Variants in CACNG2 observed in about 807,000 individuals in gnomAD.
The protein encoded by CACNG2 is voltage-dependent calcium channel gamma-2 subunit.
Under a neutral mutation model 25.9 loss-of-function variants are expected in CACNG2, and 3 were observed. The ratio of observed to expected loss-of-function variants is 0.12; its 90% CI spans 0.05 to 0.30. CACNG2 has a LOEUF of 0.30. Ranked by LOEUF, CACNG2 falls within the 10% of genes least tolerant of loss-of-function variation. The probability of loss-of-function intolerance (pLI) is 1.00; values close to 1 mark genes in which losing one functional copy is unlikely to be tolerated. For synonymous variants in CACNG2, 167 were observed against 173.3 expected (o/e 0.96, Z 0.29); for missense variants, 341 against 432.5 (o/e 0.79, Z 1.88).
At chr22:36,677,902 C>A (rs879873357) in intron 1 of CACNG2, among the ~76,000 whole-genome samples, 1 of 152,198 alleles carries the variant, frequency 6.6e-6, no homozygotes, top group Non-Finnish European at 1.5e-5. Flanking sequence ...AAAGTACATT[C>A]TTTTTAAGTA....
intron 1 of CACNG2, among the ~76,000 whole-genome samples, chr22:36,691,133 G>T (rs568394599): frequency 6.6e-5 from 10 of 152,172 alleles, no homozygotes; most frequent in Non-Finnish European, 1.2e-4. Context: ...TGATCTAGAG[G>T]AAGACACAGG....
chr22:36,667,269 A>T (rs938850156), intron 1 of CACNG2, among the ~76,000 whole-genome samples: 14 of 152,074 alleles, frequency 9.2e-5, no homozygotes, highest in African/African-American at 3.4e-4. Context: ...CACTTTTAAG[A>T]CTCAGCTCCC....
chr22:36,668,907 C>T (rs544146952), intron 1 of CACNG2, among the ~76,000 whole-genome samples: 35 of 152,176 alleles, frequency 2.3e-4, no homozygotes, highest in Admixed American at 6.5e-4. Context: ...GGTGAATTTG[C>T]CCTTCTTCAA....
intron 1 of CACNG2, among the ~76,000 whole-genome samples, chr22:36,662,002 C>T (rs749010870): frequency 1.3e-4 from 12 of 90,406 alleles, no homozygotes; most frequent in East Asian, 4.2e-4. Context: ...TTTTTTCAGA[C>T]GGAGTCTCCC....
rs1321307400 is a variant in CACNG2, at chr22:36,564,834, G to T, written c.489C>A (p.Asp163Glu). ...TCTTTTTGGAGTCGCTCTTGGAGGG[G>T]TCTCCGGCATTGGCAGATATGTACA... ...IIVYISANAG[D>E]PSKSDSKKNS... Residue 163 changes from aspartate (D) to glutamate (E), a missense_variant, in exon 4 of 4, where the codon GAC (aspartate) becomes GAA (glutamate). Asp to Glu is a conservative substitution (Grantham distance 45). Coordinates refer to ENST00000300105, the MANE Select transcript of CACNG2 (RefSeq NM_006078.5). The surrounding 1 kb of genome is among the most constrained non-coding windows in gnomAD (Gnocchi z 6.7). 8.1e-6 allele frequency: 13 copies of T among 1,614,008 alleles called. No homozygotes were observed. The highest frequency in any genetic ancestry group is 1.0e-5 in the Non-Finnish European group (12 of 1,180,030).
chr22:36,610,442 G>A (rs1273826600), intron 1 of CACNG2, among the ~76,000 whole-genome samples: 1 of 152,268 alleles, frequency 6.6e-6, no homozygotes, highest in Non-Finnish European at 1.5e-5. Flanking sequence ...CCTGGGACAA[G>A]TGTAAAGAGT....
intron 2 of CACNG2, among the ~76,000 whole-genome samples, chr22:36,582,737 C>G (rs958154335): frequency 1.3e-5 from 2 of 151,610 alleles, no homozygotes; most frequent in Non-Finnish European, 2.9e-5. Flanking sequence ...CATCCCTACT[C>G]TAGAATTCCC....
chr22:36,685,311 G>A lies in CACNG2; in HGVS notation c.211+17055C>T, dbSNP rs1937181228. On this transcript the variant is annotated intron_variant, in intron 1 of 3. Coordinates refer to ENST00000300105, the MANE Select transcript of CACNG2 (RefSeq NM_006078.5). ...CTGAGAGGGGCCCGCCCGCGCCCAG[G>A]CAGCTTCCATCTCTCCCGGGGGCCT... 1.3e-5 allele frequency among the ~76,000 whole-genome samples: 2 copies of A among 152,022 alleles called. 1 individual carries two copies. Among genetic ancestry groups the A allele is most frequent in the Admixed American group, 1.3e-4 (2 of 15,276 alleles).
intron 2 of CACNG2, among the ~76,000 whole-genome samples, chr22:36,580,162 A>G (rs150070920): frequency 7.8e-4 from 119 of 152,284 alleles, no homozygotes; most frequent in African/African-American, 2.8e-3. Flanking sequence ...AAGGAAACCG[A>G]GGCCCAGGGA....
intron 1 of CACNG2, among the ~76,000 whole-genome samples, chr22:36,613,273 C>T (rs1044472661): frequency 1.3e-5 from 2 of 152,082 alleles, no homozygotes; most frequent in Admixed American, 1.3e-4. Context: ...TTGGATTTCA[C>T]ACCTGTACTT....
At chr22:36,695,873 G>C (rs1415738586) in intron 1 of CACNG2, among the ~76,000 whole-genome samples, 1 of 152,154 alleles carries the variant, frequency 6.6e-6, no homozygotes, top group Non-Finnish European at 1.5e-5. Flanking sequence ...ATGGCCTAGT[G>C]CTTGGCGCTT....
rs533357747 is a variant in CACNG2, at chr22:36,687,467, T to G, written c.211+14899A>C. Among the ~76,000 whole-genome samples, 3 of 152,360 alleles carry G rather than the reference T, an allele frequency of 2.0e-5. No individual in the cohort carries two copies. In the South Asian group the frequency reaches 6.2e-4, roughly 32 times the overall value. ...AGTTTTATTTTTCTGTGGCTTATTG[T>G]CAAATTGAATCCTTCCTGGTACAAG... is the stretch of plus-strand genomic sequence containing the variant. On this transcript the variant is annotated intron_variant, in intron 1 of 3. Coordinates refer to ENST00000300105, the MANE Select transcript of CACNG2 (RefSeq NM_006078.5).
rs962571781 is a variant in CACNG2 at position 36,562,618 on chromosome 22, C to T, written c.*1733G>A. ...GGCTTTGGAGGGCATGAGTCAATTT[C>T]CTTTGAGCCACGCCCCTGGCCGTGT... On this transcript the variant is annotated 3_prime_UTR_variant, in exon 4 of 4. Transcript: ENST00000300105. 1 of 152,242 alleles carries T rather than the reference C, an allele frequency of 6.6e-6. No individual in the cohort carries two copies. The highest frequency in any genetic ancestry group is 1.5e-5 in the Non-Finnish European group (1 of 68,120). 9.4% of individuals were successfully genotyped at this position (152,242 alleles called of 1,614,324 possible).
intron 2 of CACNG2, among the ~76,000 whole-genome samples, chr22:36,583,121 C>T (rs187327735): frequency 6.2e-4 from 94 of 152,132 alleles, no homozygotes; most frequent in African/African-American, 2.2e-3. Context: ...ATCCAGCTCA[C>T]ACCTCTGCTT....
intron 2 of CACNG2, among the ~76,000 whole-genome samples, chr22:36,581,392 T>C (rs1004067503): frequency 2.0e-5 from 3 of 152,198 alleles, no homozygotes; most frequent in Non-Finnish European, 2.9e-5. Flanking sequence ...CAGATATTAA[T>C]TGAGTGCCTT....
At chr22:36,605,711 A>G (rs770609795) in intron 1 of CACNG2, among the ~76,000 whole-genome samples, 1 of 152,266 alleles carries the variant, frequency 6.6e-6, no homozygotes, top group East Asian at 1.9e-4. Flanking sequence ...GCTAAGAGGT[A>G]GGTGTGATTA....
chr22:36,685,406 TC>T (rs1937182814), intron 1 of CACNG2, among the ~76,000 whole-genome samples: 1 of 152,056 alleles, frequency 6.6e-6, no homozygotes, highest in Non-Finnish European at 1.5e-5. Context: ...CCCCCCGTCA[TC>T]CTTACCATGG....
chr22:36,590,208 CAT>C (rs1314387473), intron 1 of CACNG2, among the ~76,000 whole-genome samples: 1 of 152,198 alleles, frequency 6.6e-6, no homozygotes, highest in Non-Finnish European at 1.5e-5. Flanking sequence ...ATCCTTGGAC[CAT>C]TGGCTCCTAG....
At chr22:36,648,241 T>A (rs1331080311) in intron 1 of CACNG2, among the ~76,000 whole-genome samples, 1 of 152,202 alleles carries the variant, frequency 6.6e-6, no homozygotes, top group Admixed American at 6.5e-5. Context: ...TTCCATCAAG[T>A]CATGGCAAGT....
Sources: allele counts gnomAD v4.1 joint callset (sites outside exome capture counted in the v4.1 genomes callset), GRCh38; gene constraint gnomAD v4.1.1; non-coding constraint Gnocchi (gnomAD v3.1); transcripts MANE v1.5; gene names NCBI Gene and HGNC (gene_info 2026-07-23, HGNC 2026-07-21).